AUTS2: variants seen among roughly 807,000 people sequenced by gnomAD.
AUTS2 encodes autism susceptibility gene 2 protein.
AUTS2 carries 17 observed loss-of-function variants against 112.4 expected under a neutral mutation model. That is an observed-to-expected ratio of 0.15 (90% CI 0.10 to 0.23). AUTS2 has a LOEUF of 0.23. Among genes scored for constraint, AUTS2 ranks in the 10% least tolerant of loss-of-function variants. The pLI, the probability that AUTS2 is intolerant of heterozygous loss-of-function variation, is 1.00. For synonymous variants in AUTS2, 751 were observed against 702.7 expected (o/e 1.07, Z -1.09); for missense variants, 1,510 against 1,701.6 (o/e 0.89, Z 1.98).
intron 2 of AUTS2, among the ~76,000 whole-genome samples, chr7:69,943,022 G>A (rs1172123354): frequency 6.6e-6 from 1 of 152,108 alleles, no homozygotes; most frequent in Non-Finnish European, 1.5e-5. Context: ...AAATCTATTT[G>A]TGCATTCACC....
In AUTS2 at chr7:69,899,483, G is replaced by A. The variant is rs550583746; in HGVS notation, c.507G>A (p.Pro169=). 29 of 1,613,970 alleles carry A rather than the reference G, an allele frequency of 1.8e-5. No individual in the cohort carries two copies. The East Asian group carries it at 3.6e-4, about 20-fold the overall frequency. Residue 169 remains proline, a synonymous_variant, in exon 2 of 19, where the codon CCG becomes CCA. Coordinates refer to ENST00000342771, the MANE Select transcript of AUTS2 (RefSeq NM_015570.4). ...ACCTTGGGAAGAGAAAGAAAATGCC[G>A]AAGGCACTCAGACAGGTGAGGAAGC... is the stretch of plus-strand genomic sequence containing the variant. The part of the protein sequence containing the change: ...CQHLGKRKKM[P]KALRQLKPGQ...
chr7:70,434,462 A>T (rs1795807256), intron 4 of AUTS2, among the ~76,000 whole-genome samples: 1 of 152,110 alleles, frequency 6.6e-6, no homozygotes, highest in Non-Finnish European at 1.5e-5. Context: ...CACACTAAAA[A>T]ACCTTGGCAT....
intron 1 of AUTS2, among the ~76,000 whole-genome samples, chr7:69,741,704 TAA>T (rs112536740): frequency 5.7e-5 from 8 of 140,120 alleles, no homozygotes; most frequent in Non-Finnish European, 4.7e-5. Flanking sequence ...AACCCTGTCT[TAA>T]AAAAAAAAAA....
chr7:69,805,438 A>G (rs1456472521), intron 1 of AUTS2, among the ~76,000 whole-genome samples: 1 of 152,226 alleles, frequency 6.6e-6, no homozygotes, highest in African/African-American at 2.4e-5. Context: ...CTCAGAAGAA[A>G]AAAATTCCAA....
chr7:69,876,118 G>T (rs796165763), intron 1 of AUTS2, among the ~76,000 whole-genome samples: 1 of 150,796 alleles, frequency 6.6e-6, no homozygotes, highest in East Asian at 2.0e-4. Context: ...TGTAATCCCA[G>T]CACTTTGGGA....
intron 5 of AUTS2, among the ~76,000 whole-genome samples, chr7:70,628,033 T>C (rs1340670065): frequency 6.6e-6 from 1 of 152,132 alleles, no homozygotes; most frequent in Non-Finnish European, 1.5e-5. Context: ...GGCACAGGTA[T>C]GGAGGTGTGC....
chr7:70,002,493 G>T (rs764734298), intron 2 of AUTS2, among the ~76,000 whole-genome samples: 4 of 151,938 alleles, frequency 2.6e-5, no homozygotes, highest in Non-Finnish European at 5.9e-5. Context: ...AAACTTCTTG[G>T]GTCATAAATA....
At chr7:70,405,056 C>T (rs182636440) in intron 4 of AUTS2, among the ~76,000 whole-genome samples, 1 of 152,290 alleles carries the variant, frequency 6.6e-6, no homozygotes. Flanking sequence ...AATATAAGCT[C>T]CCTCCTACCT....
chr7:69,807,545 G>A (rs1356886336), intron 1 of AUTS2, among the ~76,000 whole-genome samples: 1 of 152,078 alleles, frequency 6.6e-6, no homozygotes, highest in Non-Finnish European at 1.5e-5. Flanking sequence ...TTAGAGACCT[G>A]TTCTTGTTGC....
At chr7:70,317,565 CA>C (rs1483718100) in intron 4 of AUTS2, among the ~76,000 whole-genome samples, 1 of 152,170 alleles carries the variant, frequency 6.6e-6, no homozygotes, top group Non-Finnish European at 1.5e-5. Context: ...TGAGGTCACA[CA>C]TTTAGTAAGT....
intron 4 of AUTS2, among the ~76,000 whole-genome samples, chr7:70,332,979 A>T (rs761791565): frequency 5.2e-4 from 79 of 152,350 alleles, no homozygotes; most frequent in Non-Finnish European, 9.7e-4. Context: ...CTAATTAACT[A>T]AAGAGCTTCC....
chr7:69,750,489 AG>A (rs1787691541), intron 1 of AUTS2, among the ~76,000 whole-genome samples: 1 of 150,254 alleles, frequency 6.7e-6, no homozygotes, highest in Admixed American at 6.7e-5. Flanking sequence ...TAGTAGTAGT[AG>A]TAGTAGTAGT....
At chr7:70,134,650 G>A in intron 4 of AUTS2, 79 bp downstream of exon 4, 1 of 1,317,722 alleles carries the variant, frequency 7.6e-7, no homozygotes, top group Admixed American at 1.8e-5. Flanking sequence ...ATTGGGATAT[G>A]AAAAAAAATC....
chr7:70,591,702 C>T (rs1452570691), intron 5 of AUTS2, among the ~76,000 whole-genome samples: 1 of 152,160 alleles, frequency 6.6e-6, no homozygotes, highest in East Asian at 1.9e-4. Context: ...CCTGCCCCGA[C>T]TCTCTTCTTA....
intron 5 of AUTS2, among the ~76,000 whole-genome samples, chr7:70,676,057 A>G (rs117614344): frequency 6.6e-6 from 1 of 152,324 alleles, no homozygotes; most frequent in East Asian, 1.9e-4. Context: ...CACGAACGAA[A>G]TGGCCTAGGA....
Position 70,138,154 on chromosome 7 carries a change from G to C in AUTS2, c.660+3583G>C, listed in dbSNP as rs185784953. 4.3e-4 allele frequency among the ~76,000 whole-genome samples: 65 copies of C among 152,302 alleles called. 1 individual carries two copies. The highest frequency in any genetic ancestry group is 3.3e-3 in the Admixed American group (51 of 15,304). ...AGACTGCTTAGCAGCTTTTAGGATT[G>C]GGCTGAGAGGGAAGGTACACCTGTT... On this transcript the variant is annotated intron_variant, in intron 4 of 18. Coordinates refer to ENST00000342771, the MANE Select transcript of AUTS2 (RefSeq NM_015570.4).
chr7:70,161,146 T>C (rs1808056107), intron 4 of AUTS2, among the ~76,000 whole-genome samples: 1 of 152,176 alleles, frequency 6.6e-6, no homozygotes, highest in Admixed American at 6.5e-5. Context: ...AAAAGTAACT[T>C]CTTTGGGGAT....
chr7:69,877,893 C>T (rs1793874043), intron 1 of AUTS2, among the ~76,000 whole-genome samples: 1 of 152,060 alleles, frequency 6.6e-6, no homozygotes, highest in Non-Finnish European at 1.5e-5. Context: ...GAGTTGTGTG[C>T]AGGACATCAC....
At chr7:70,153,520 A>G (rs1451588867) in intron 4 of AUTS2, among the ~76,000 whole-genome samples, 1 of 152,180 alleles carries the variant, frequency 6.6e-6, no homozygotes, top group African/African-American at 2.4e-5. Flanking sequence ...CTCCACAGAT[A>G]TATTTATAGG....
Sources: gnomAD v4.1 joint callset for allele counts (sites outside exome capture counted in the v4.1 genomes callset) on GRCh38, gnomAD v4.1.1 for gene constraint, MANE v1.5 for transcripts, NCBI Gene and HGNC (gene_info 2026-07-23, HGNC 2026-07-21) for gene names.